PRKN: variants seen among roughly 807,000 people sequenced by gnomAD.
PRKN encodes the protein parkin RBR E3 ubiquitin protein ligase.
PRKN carries 56 observed loss-of-function variants against 59.5 expected under a neutral mutation model. The ratio of observed to expected loss-of-function variants is 0.94; its 90% CI spans 0.76 to 1.18. The LOEUF is 1.18. Among genes scored for constraint, PRKN ranks in the 50% most tolerant of loss-of-function variants. The pLI is 0.00. For missense variants in PRKN, 657 were observed against 596.4 expected, an observed-to-expected ratio of 1.10 and a Z score of -1.06; for synonymous variants, 250 against 222.1, an observed-to-expected ratio of 1.13 and a Z score of -1.12.
At chr6:162,355,514 GTCTC>G (rs1411016113) in intron 2 of PRKN, among the ~76,000 whole-genome samples, 5 of 151,724 alleles carry the variant, frequency 3.3e-5, no homozygotes, top group African/African-American at 9.7e-5. Context: ...AATACATACT[GTCTC>G]TCTAAAGTCC....
chr6:162,493,333 T>A (rs1455244072), intron 1 of PRKN, among the ~76,000 whole-genome samples: 1 of 152,096 alleles, frequency 6.6e-6, no homozygotes, highest in African/African-American at 2.4e-5. Flanking sequence ...CTTTGCTGGG[T>A]TTGTAGAGGC....
At chr6:162,403,966 A>C (rs1038140780) in intron 2 of PRKN, among the ~76,000 whole-genome samples, 1 of 152,184 alleles carries the variant, frequency 6.6e-6, no homozygotes, top group Non-Finnish European at 1.5e-5. Context: ...CATGGCATTA[A>C]ACCGAACCAT....
chr6:161,874,421 A>G (rs1169876389), intron 6 of PRKN, among the ~76,000 whole-genome samples: 4 of 97,500 alleles, frequency 4.1e-5, no homozygotes, highest in Non-Finnish European at 5.3e-5. Context: ...TAAAATATAT[A>G]TTATATGTAA....
At chr6:161,776,057 G>A (rs1789910700) in intron 7 of PRKN, among the ~76,000 whole-genome samples, 1 of 152,158 alleles carries the variant, frequency 6.6e-6, no homozygotes. Flanking sequence ...GCATTTCATA[G>A]GGAAGGTGGG....
chr6:162,024,194 CTT>C (rs111595639), intron 5 of PRKN, among the ~76,000 whole-genome samples: 3 of 82,058 alleles, frequency 3.7e-5, no homozygotes, highest in Non-Finnish European at 6.4e-5. Flanking sequence ...TCCCCCAACC[CTT>C]TTTTTTTTTT....
chr6:161,366,093 G>C (rs1785186414), intron 10 of PRKN, among the ~76,000 whole-genome samples: 1 of 152,218 alleles, frequency 6.6e-6, no homozygotes, highest in Non-Finnish European at 1.5e-5. Context: ...GCCTTTGGGA[G>C]GTGATTAGGT....
rs549922458 is a variant in PRKN at position 162,545,289 on chromosome 6, G to GA, written c.8-101817dup. On this transcript the variant is annotated intron_variant, in intron 1 of 11. Transcript: ENST00000366898. ...GGCAACAGAGTGAGACTCCGTCTGAGAAAATAAAAATAAAAAAATTTAAAA... is the reference window on the plus strand; with the variant it reads ...GGCAACAGAGTGAGACTCCGTCTGAGAAAAATAAAAATAAAAAAATTTAAAA... 4.1e-4 allele frequency among the ~76,000 whole-genome samples: 62 copies of GA among 152,078 alleles called. No homozygotes were observed. In the East Asian group the frequency reaches 0.012, roughly 29 times the overall value.
At chr6:162,290,303 T>C (rs1277313151) in intron 2 of PRKN, among the ~76,000 whole-genome samples, 1 of 152,200 alleles carries the variant, frequency 6.6e-6, no homozygotes, top group Non-Finnish European at 1.5e-5. Context: ...GTACTAAGAC[T>C]TCATTGAATA....
chr6:161,725,030 T>C (rs1270570967), intron 7 of PRKN, among the ~76,000 whole-genome samples: 3 of 152,150 alleles, frequency 2.0e-5, no homozygotes, highest in African/African-American at 7.2e-5. Context: ...GAGATACCAC[T>C]TTTGCTTTTC....
intron 1 of PRKN, among the ~76,000 whole-genome samples, chr6:162,548,553 T>C (rs906509526): frequency 5.3e-5 from 8 of 152,330 alleles, no homozygotes; most frequent in African/African-American, 1.9e-4. Flanking sequence ...ATTCAAATAA[T>C]GCTTCATTTC....
Position 161,348,928 on chromosome 6 carries a change from C to T in PRKN, c.*1171G>A, listed in dbSNP as rs1390000595. On this transcript the variant is annotated 3_prime_UTR_variant, in exon 12 of 12. Transcript: ENST00000366898. This position sits in a 1 kb window ranked among gnomAD's most constrained non-coding sequence, Gnocchi z 4.9. The stretch of plus-strand genomic sequence containing the variant: ...AAGTTTGATTGAACTGAAATCCAAT[C>T]CATGTCAACATAAGGAATATTCTAG... 6 of 203,388 alleles carry T rather than the reference C, an allele frequency of 3.0e-5. No individual in the cohort carries two copies. Among genetic ancestry groups the T allele is most frequent in the Non-Finnish European group, 6.0e-5 (6 of 99,218 alleles). 12.6% of individuals were successfully genotyped at this position (203,388 alleles called of 1,614,324 possible).
At chr6:162,149,487 G>A (rs1782171770) in intron 4 of PRKN, among the ~76,000 whole-genome samples, 1 of 151,972 alleles carries the variant, frequency 6.6e-6, no homozygotes, top group African/African-American at 2.4e-5. Context: ...CAAATGATCC[G>A]CCTCTTCCAG....
At chr6:161,971,455 C>A (rs923012207) in intron 6 of PRKN, among the ~76,000 whole-genome samples, 2 of 152,212 alleles carry the variant, frequency 1.3e-5, no homozygotes, top group Non-Finnish European at 2.9e-5. Flanking sequence ...TTACCTGCTG[C>A]TATCAGCGCA....
At chr6:162,093,686 C>A (rs1294019958) in intron 4 of PRKN, among the ~76,000 whole-genome samples, 1 of 152,162 alleles carries the variant, frequency 6.6e-6, no homozygotes, top group Non-Finnish European at 1.5e-5. Context: ...GTAGTCACAT[C>A]TGAAGAACAC....
At chr6:161,812,741 T>C (rs1791613958) in intron 6 of PRKN, among the ~76,000 whole-genome samples, 1 of 152,238 alleles carries the variant, frequency 6.6e-6, no homozygotes, top group South Asian at 2.1e-4. Context: ...ATACCAAGTG[T>C]TGGCAAGGAT....
At chr6:162,615,992 G>A (rs1782392530) in intron 1 of PRKN, among the ~76,000 whole-genome samples, 1 of 152,102 alleles carries the variant, frequency 6.6e-6, no homozygotes, top group Non-Finnish European at 1.5e-5. Flanking sequence ...ATGTATTATT[G>A]CCAATTTGGA....
At chr6:162,313,097 TTTTTAAA>T (rs1378813561) in intron 2 of PRKN, among the ~76,000 whole-genome samples, 1 of 152,114 alleles carries the variant, frequency 6.6e-6, no homozygotes, top group Non-Finnish European at 1.5e-5. Context: ...GTAAAATTAT[TTTTTAAA>T]TTGTGGTAAA....
rs1418764479 is a variant in PRKN, at chr6:161,566,914, CT to C, written c.933+2440del. ...TCCTTTCCCAGATGTCACCATGAGG[CT>C]TCTCTGGATACCTTTCAGTCTTTAT... On this transcript the variant is annotated intron_variant, in intron 8 of 11. Coordinates refer to ENST00000366898, the MANE Select transcript of PRKN (RefSeq NM_004562.3). The surrounding 1 kb of genome is among the most constrained non-coding windows in gnomAD (Gnocchi z 4.1). 3.9e-5 allele frequency among the ~76,000 whole-genome samples: 6 copies of C among 152,066 alleles called. No individual in the cohort carries two copies. The highest frequency in any genetic ancestry group is 7.4e-5 in the Non-Finnish European group (5 of 68,016).
intron 2 of PRKN, among the ~76,000 whole-genome samples, chr6:162,389,540 T>C (rs987933370): frequency 4.6e-5 from 7 of 152,206 alleles, no homozygotes; most frequent in African/African-American, 1.7e-4. Flanking sequence ...GCATTCCCTC[T>C]ACCCAGTCTA....
Sources: allele counts gnomAD v4.1 joint callset (sites outside exome capture counted in the v4.1 genomes callset), GRCh38; gene constraint gnomAD v4.1.1; non-coding constraint Gnocchi (gnomAD v3.1); transcripts MANE v1.5; gene names NCBI Gene and HGNC (gene_info 2026-07-23, HGNC 2026-07-21).